Variants in SLC22A15 observed in about 807,000 individuals in gnomAD.
SLC22A15 encodes solute carrier family 22 member 15.
A neutral mutation model predicts 62.7 loss-of-function variants in SLC22A15; 45 were observed. The observed-to-expected ratio is 0.72, with a 90% CI of 0.56 to 0.92. The LOEUF is 0.92. SLC22A15 is among the 40% of genes least tolerant of loss of function. The pLI, the probability that SLC22A15 is intolerant of heterozygous loss-of-function variation, is 0.00. For missense variants in SLC22A15, 622 were observed against 665.6 expected, an observed-to-expected ratio of 0.93 and a Z score of 0.72; for synonymous variants, 264 against 267.0, an observed-to-expected ratio of 0.99 and a Z score of 0.11.
chr1:116,048,647 A>C (rs145767445), intron 8 of SLC22A15, among the ~76,000 whole-genome samples: 1 of 152,204 alleles, frequency 6.6e-6, no homozygotes, highest in Non-Finnish European at 1.5e-5. Context: ...CATAAATCAC[A>C]CAGGACCTAT....
At chr1:116,029,351 C>A (rs1418896784) in intron 5 of SLC22A15, among the ~76,000 whole-genome samples, 3 of 152,108 alleles carry the variant, frequency 2.0e-5, no homozygotes, top group African/African-American at 7.2e-5. Context: ...ATTCATGGAG[C>A]GGTTTTGAGT....
chr1:116,023,320 T>C (rs923273931), intron 4 of SLC22A15, among the ~76,000 whole-genome samples: 1 of 152,200 alleles, frequency 6.6e-6, no homozygotes, highest in Non-Finnish European at 1.5e-5. Context: ...ATACTGAAGC[T>C]GTGAAAAATT....
rs957089497 is a variant in SLC22A15 at position 116,068,432 on chromosome 1, A to G, written c.*1324A>G. The G allele has an allele frequency of 3.7e-4, 56 of 152,518 alleles. No individual in the cohort carries two copies. The highest frequency in any genetic ancestry group is 1.3e-3 in the African/African-American group (52 of 41,468). 9.4% of individuals were successfully genotyped at this position (152,518 alleles called of 1,614,324 possible). A position where few individuals can be genotyped will look rare whatever the true frequency, so the allele number is the denominator to read the frequency against. On this transcript the variant is annotated 3_prime_UTR_variant, in exon 12 of 12. Transcript: ENST00000369503. ...AGACGTCACTGTGGCTGCTTCTGGA[A>G]GTGCTGGAAGCATCACCCCAATTGG...
At position 116,020,737 on chromosome 1, in the gene SLC22A15, C is replaced by T. The variant is rs761889321; in HGVS notation, c.450C>T (p.Ile150=). Residue 150 remains isoleucine (I), a synonymous_variant, in exon 4 of 12, where the codon ATC becomes ATT. Coordinates refer to ENST00000369503, the MANE Select transcript of SLC22A15 (RefSeq NM_018420.3). ...TCTTTCTAGGTTTTGCTCTTGACAT[C>T]TTATTTGCAATTGCAAATGGATTTT... The part of the protein sequence containing the change: ...KVYLTGFALD[I]LFAIANGFSP... The T allele has an allele frequency of 6.2e-7, 1 of 1,611,846 alleles. No homozygotes were observed. The highest frequency in any genetic ancestry group is 1.1e-5 in the South Asian group (1 of 90,778).
chr1:116,043,407 A>C (rs10737762), intron 8 of SLC22A15, among the ~76,000 whole-genome samples: 150,168 of 152,264 alleles, frequency 0.99, 74,091 homozygotes, highest in East Asian at 1. Flanking sequence ...GCCTGGGTGA[A>C]AGAGTGAGAC....
In SLC22A15 at chr1:116,062,862, G is replaced by T; in HGVS notation, c.1272G>T (p.Glu424Asp). 1 of 1,613,764 alleles carries T rather than the reference G, an allele frequency of 6.2e-7. No individual in the cohort carries two copies. Among genetic ancestry groups the T allele is most frequent in the South Asian group, 1.1e-5 (1 of 91,078 alleles). ...AFNIVYIYTS[E>D]LYPTVIRNVG... is the part of the protein sequence containing the mutation. ...ACATTGTTTATATCTACACCTCTGAGCTTTACCCTACAGTCATCAGGTACG... is the reference window on the plus strand; with the variant it reads ...ACATTGTTTATATCTACACCTCTGATCTTTACCCTACAGTCATCAGGTACG... The change falls in exon 9 of 12, where the codon GAG (glutamate) becomes GAT (aspartate). Residue 424 changes from glutamate (E) to aspartate (D), a missense_variant. Coordinates refer to ENST00000369503, the MANE Select transcript of SLC22A15 (RefSeq NM_018420.3).
intron 3 of SLC22A15, 98 bp downstream of exon 3, chr1:116,019,812 G>A: frequency 1.5e-6 from 2 of 1,308,574 alleles, no homozygotes; most frequent in Middle Eastern, 2.2e-4. Context: ...GGTTCTCCGG[G>A]AATTGGCATA....
intron 2 of SLC22A15, among the ~76,000 whole-genome samples, chr1:116,015,987 A>C (rs1003007107): frequency 1.3e-4 from 20 of 152,230 alleles, no homozygotes; most frequent in African/African-American, 4.3e-4. Flanking sequence ...TCCATGTTTC[A>C]AAATAAATTA....
intron 8 of SLC22A15, among the ~76,000 whole-genome samples, chr1:116,042,484 A>G (rs1270441931): frequency 6.6e-6 from 1 of 152,158 alleles, no homozygotes. Flanking sequence ...CTAACAAAAC[A>G]TCAGTGAATT....
intron 2 of SLC22A15, 89 bp downstream of exon 2, chr1:115,992,332 C>A: frequency 9.1e-7 from 1 of 1,103,086 alleles, no homozygotes; most frequent in Non-Finnish European, 1.3e-6. Flanking sequence ...TAAATATCAG[C>A]CACATTTTCA....
chr1:116,027,500 C>T (rs2452550), intron 5 of SLC22A15, among the ~76,000 whole-genome samples: 20,060 of 152,084 alleles, frequency 0.13, 2,334 homozygotes, highest in African/African-American at 0.32. Flanking sequence ...TTAGGGTGCA[C>T]GGCCTCATAG....
chr1:116,061,589 A>G (rs992844586), intron 8 of SLC22A15, among the ~76,000 whole-genome samples: 2 of 152,108 alleles, frequency 1.3e-5, no homozygotes, highest in African/African-American at 2.4e-5. Flanking sequence ...AGGAAGTACA[A>G]CAGAGTCAGT....
At chr1:116,056,057 G>A (rs1186929046) in intron 8 of SLC22A15, among the ~76,000 whole-genome samples, 2 of 123,444 alleles carry the variant, frequency 1.6e-5, no homozygotes, top group African/African-American at 6.2e-5. Context: ...TCTGGCCAGG[G>A]CAATTATGCA....
At chr1:116,042,685 A>G (rs1037085427) in intron 8 of SLC22A15, among the ~76,000 whole-genome samples, 1 of 152,248 alleles carries the variant, frequency 6.6e-6, no homozygotes, top group African/African-American at 2.4e-5. Flanking sequence ...CTTGTAATAA[A>G]TTTATAGTAC....
intron 8 of SLC22A15, among the ~76,000 whole-genome samples, chr1:116,041,893 C>A (rs990468651): frequency 2.6e-5 from 4 of 152,172 alleles, no homozygotes; most frequent in Admixed American, 2.6e-4. Flanking sequence ...AGTTGCAGAG[C>A]ATTGGATAGA....
Position 116,031,483 on chromosome 1 carries a change from A to T in SLC22A15, c.846A>T (p.Thr282=). 2 of 1,614,006 alleles carry T rather than the reference A, an allele frequency of 1.2e-6. No homozygotes were observed. Among genetic ancestry groups the T allele is most frequent in the Non-Finnish European group, 1.7e-6 (2 of 1,179,876 alleles). ...AACTCAAGTGCACGTTCTCACTAAC[A>T]CACCCAGCCAACAGGAGCTGCAGGG... ...NRKLKCTFSL[T]HPANRSCRET... The change falls in exon 6 of 12, where the codon ACA becomes ACT. Residue 282 remains threonine (T), a synonymous_variant. Coordinates refer to ENST00000369503, the MANE Select transcript of SLC22A15 (RefSeq NM_018420.3).
At chr1:115,988,827 C>T (rs1055499188) in intron 1 of SLC22A15, among the ~76,000 whole-genome samples, 2 of 152,126 alleles carry the variant, frequency 1.3e-5, no homozygotes, top group Non-Finnish European at 2.9e-5. Flanking sequence ...GCCACTGCAC[C>T]GGGCTGAGGA....
At chr1:116,024,618 A>T (rs567502178) in intron 4 of SLC22A15, among the ~76,000 whole-genome samples, 1 of 152,216 alleles carries the variant, frequency 6.6e-6, no homozygotes, top group South Asian at 2.1e-4. Context: ...CATTCTAATG[A>T]GCTCATATAT....
At chr1:115,986,529 T>A (rs922524749) in intron 1 of SLC22A15, among the ~76,000 whole-genome samples, 1 of 152,192 alleles carries the variant, frequency 6.6e-6, no homozygotes, top group East Asian at 1.9e-4. Flanking sequence ...CAGAGAGATA[T>A]CTGAGCTTGA....
Sources: allele counts gnomAD v4.1 joint callset (sites outside exome capture counted in the v4.1 genomes callset), GRCh38; gene constraint gnomAD v4.1.1; transcripts MANE v1.5; gene names NCBI Gene and HGNC (gene_info 2026-07-23, HGNC 2026-07-21).